Variants in SLA observed in about 807,000 individuals in gnomAD.
SLA encodes src-like-adapter.
In SLA, 16 loss-of-function variants were observed where a neutral mutation model predicts 30.3. The observed-to-expected ratio is 0.53, with a 90% CI of 0.36 to 0.80. The LOEUF (loss-of-function observed/expected upper bound fraction) is 0.80. SLA is among the 30% of genes least tolerant of loss of function. SLA has a pLI of 0.01. For missense variants in SLA, 310 were observed against 345.2 expected (o/e 0.90, Z 0.81); for synonymous variants, 143 against 137.8 (o/e 1.04, Z -0.26).
At chr8:133,080,412 A>G (rs1845572008) in intron 1 of SLA, among the ~76,000 whole-genome samples, 2 of 152,214 alleles carry the variant, frequency 1.3e-5, no homozygotes, top group South Asian at 4.1e-4. Context: ...GCCTAGGCTC[A>G]TGGGCTCTGG....
At chr8:133,095,144 G>T (rs762509078) in intron 1 of SLA, 2 of 1,614,134 alleles carry the variant, frequency 1.2e-6, no homozygotes, top group African/African-American at 2.7e-5. Context: ...ATGTCATCCA[G>T]CCAAGAAGTG....
chr8:133,064,083 T>C (rs1842756999), intron 2 of SLA: 1 of 152,262 alleles, frequency 6.6e-6, no homozygotes, highest in African/African-American at 2.4e-5. Flanking sequence ...CTTAGGTTTC[T>C]GGGTCATAGA....
intron 6 of SLA, chr8:133,047,601 G>T (rs1486581099): frequency 3.6e-6 from 2 of 560,476 alleles, no homozygotes; most frequent in Non-Finnish European, 6.4e-6. Flanking sequence ...CAGGCCTGAT[G>T]TTGGCCAGGC....
intron 1 of SLA, among the ~76,000 whole-genome samples, chr8:133,095,577 T>C (rs1848283883): frequency 6.6e-6 from 1 of 152,214 alleles, no homozygotes; most frequent in Non-Finnish European, 1.5e-5. Context: ...CACAGCTAGA[T>C]GTGTTGAGTA....
At chr8:133,095,126 G>T (rs984956668) in intron 1 of SLA, 2 of 1,614,214 alleles carry the variant, frequency 1.2e-6, no homozygotes, top group South Asian at 2.2e-5. Context: ...AAGGAGGTCA[G>T]TTGCCCCATG....
Position 133,038,626 on chromosome 8 carries a change from G to T in SLA, c.729C>A (p.Asp243Glu). Reference protein sequence around the residue: ...IASYLSLTSEDNTSFDRKKKS... With the variant: ...IASYLSLTSEENTSFDRKKKS... ...TCTTCTTTCGATCAAAGGAGGTGTT[G>T]TCCTCACTGGTCAGGGACAGGTAAG... Residue 243 changes from aspartate to glutamate, a missense_variant, in exon 9 of 9, where the codon GAC (aspartate) becomes GAA (glutamate). Physicochemically the swap from Asp to Glu is conservative, Grantham distance 45. Coordinates refer to ENST00000338087, the MANE Select transcript of SLA (RefSeq NM_001045556.3). The T allele has an allele frequency of 6.2e-7, 1 of 1,613,830 alleles. No homozygotes were observed.
chr8:133,085,869 C>T (rs752977513), intron 1 of SLA, among the ~76,000 whole-genome samples: 1 of 152,174 alleles, frequency 6.6e-6, no homozygotes, highest in Admixed American at 6.5e-5. Context: ...CCACCCCTAC[C>T]TATACATTCA....
intron 7 of SLA, 27 bp from the exon 8 acceptor site, chr8:133,040,157 A>G: frequency 1.3e-6 from 2 of 1,572,048 alleles, no homozygotes; most frequent in Non-Finnish European, 8.6e-7. Flanking sequence ...ACAGCCGGTC[A>G]GGGACCCTGG....
Position 133,049,956 on chromosome 8 carries a change from C to A in SLA, c.194G>T (p.Ser65Ile). The A allele has an allele frequency of 1.2e-6, 2 of 1,613,698 alleles. No individual in the cohort carries two copies. The highest frequency in any genetic ancestry group is 1.7e-6 in the Non-Finnish European group (2 of 1,179,578). The change falls in exon 5 of 9, where the codon AGC becomes ATC. Residue 65 changes from serine (S) to isoleucine (I), a missense_variant. By Grantham distance (142) the Ser-to-Ile change is moderately radical. Coordinates refer to ENST00000338087, the MANE Select transcript of SLA (RefSeq NM_001045556.3). ...EGGWWKAISL[S>I]TGRESYIPGI... ...AGGGATGTAACTCTCTCGACCAGTG[C>A]TAAGAGAAATAGCTTTCCACCAGCC...
intron 7 of SLA, 142 bp from the exon 8 acceptor site, chr8:133,040,272 G>T: frequency 1.1e-6 from 1 of 881,934 alleles, no homozygotes; most frequent in Non-Finnish European, 1.7e-6. Context: ...GGGCATGGTA[G>T]GTGGTGACAA....
At position 133,067,931 on chromosome 8, in the gene SLA, GAAAGAAAGAA is replaced by G. The variant is rs1564145997; in HGVS notation, c.-41+6912_-41+6921del. On this transcript the variant is annotated intron_variant, in intron 2 of 8. Coordinates refer to ENST00000338087, the MANE Select transcript of SLA (RefSeq NM_001045556.3). Reference sequence around the variant, plus strand: ...GGAAGGAAGGAAAGAGAGAGAGAGAGAAAGAAAGAAAGAGAGAAAGAAAGAAGGAAAAGAA... The same window carrying G: ...GGAAGGAAGGAAAGAGAGAGAGAGAGAGAGAGAAAGAAAGAAGGAAAAGAA... Among the ~76,000 whole-genome samples the G allele has an allele frequency of 4.0e-5, 6 of 148,650 alleles. No individual in the cohort carries two copies. In the East Asian group the frequency reaches 1.2e-3, roughly 29 times the overall value.
chr8:133,096,074 C>T, intron 1 of SLA: 1 of 1,115,378 alleles, frequency 9.0e-7, no homozygotes, highest in Non-Finnish European at 1.3e-6. Context: ...TGCCAGTTGT[C>T]CTGGTCACTT....
At chr8:133,063,773 G>A (rs896679104) in intron 2 of SLA, 1 of 152,226 alleles carries the variant, frequency 6.6e-6, no homozygotes, top group African/African-American at 2.4e-5. Flanking sequence ...CAGCCCTTTA[G>A]TGGTCTGCTC....
chr8:133,091,224 G>A (rs1007758024), intron 1 of SLA, among the ~76,000 whole-genome samples: 6 of 152,188 alleles, frequency 3.9e-5, no homozygotes, highest in African/African-American at 1.2e-4. Context: ...TTAACTCCTC[G>A]ATTCCACGAA....
Position 133,067,605 on chromosome 8 carries a change from A to C in SLA, c.-41+7248T>G, listed in dbSNP as rs568997511. On this transcript the variant is annotated intron_variant, in intron 2 of 8. Coordinates refer to ENST00000338087, the MANE Select transcript of SLA (RefSeq NM_001045556.3). ...AACCTGGCCAACGTTGTGAAACCCT[A>C]TCTCTACTAAAAATGCAAAAATTAG... 7.9e-5 allele frequency among the ~76,000 whole-genome samples: 12 copies of C among 152,080 alleles called. No individual in the cohort carries two copies. In the South Asian group the frequency reaches 2.5e-3, roughly 32 times the overall value.
chr8:133,050,842 T>A lies in SLA; in HGVS notation c.135A>T (p.Arg45=). Reference sequence around the variant, plus strand: ...CAGAAATCACACGCAGTTTCTCCCCTCGGCGGAATATCGGGGGGCTGATGT... The same window carrying A: ...CAGAAATCACACGCAGTTTCTCCCCACGGCGGAATATCGGGGGGCTGATGT... ...SPDISPPIFR[R]GEKLRVISDE... The change falls in exon 4 of 9, where the codon CGA becomes CGT. Residue 45 remains arginine, a synonymous_variant. Coordinates refer to ENST00000338087, the MANE Select transcript of SLA (RefSeq NM_001045556.3). The A allele has an allele frequency of 1.2e-6, 2 of 1,612,466 alleles. No homozygotes were observed. The highest frequency in any genetic ancestry group is 4.5e-5 in the East Asian group (2 of 44,872).
chr8:133,065,650 T>C (rs1038202772), intron 2 of SLA, among the ~76,000 whole-genome samples: 10 of 151,940 alleles, frequency 6.6e-5, no homozygotes. Flanking sequence ...TAATCCCAAC[T>C]ACTCAGGAGG....
At chr8:133,089,596 C>T (rs1431664932) in intron 1 of SLA, among the ~76,000 whole-genome samples, 1 of 152,222 alleles carries the variant, frequency 6.6e-6, no homozygotes, top group Non-Finnish European at 1.5e-5. Flanking sequence ...TTACTTCTCA[C>T]TACACTTCTA....
chr8:133,067,123 G>A (rs867902237), intron 2 of SLA, among the ~76,000 whole-genome samples: 9 of 152,238 alleles, frequency 5.9e-5, no homozygotes, highest in Middle Eastern at 3.4e-3. Flanking sequence ...TTAGCATCCG[G>A]TGGTCTCCCT....
Sources: allele counts gnomAD v4.1 joint callset (sites outside exome capture counted in the v4.1 genomes callset), GRCh38; gene constraint gnomAD v4.1.1; transcripts MANE v1.5; gene names NCBI Gene and HGNC (gene_info 2026-07-23, HGNC 2026-07-21).